ARHGEF28: variants seen among roughly 807,000 people sequenced by gnomAD.
ARHGEF28 encodes Rho guanine nucleotide exchange factor 28, also known as 190 kDa guanine nucleotide exchange factor.
In ARHGEF28, 152 loss-of-function variants were observed where a neutral mutation model predicts 206.6. The ratio of observed to expected loss-of-function variants is 0.74; its 90% CI spans 0.64 to 0.84. ARHGEF28 has a LOEUF of 0.84. ARHGEF28 is among the 40% of genes least tolerant of loss of function. ARHGEF28 has a pLI of 0.00. For synonymous variants in ARHGEF28, 763 were observed against 776.4 expected (o/e 0.98, Z 0.29); for missense variants, 2,028 against 2,073.2 (o/e 0.98, Z 0.42).
chr5:73,890,938 C>T (rs2112683046), intron 26 of ARHGEF28, among the ~76,000 whole-genome samples: 1 of 152,344 alleles, frequency 6.6e-6, no homozygotes. Context: ...CTCTTTGAAT[C>T]CCCAGTGTTT....
At chr5:73,924,296 G>A (rs995538248) in intron 35 of ARHGEF28, among the ~76,000 whole-genome samples, 1 of 152,162 alleles carries the variant, frequency 6.6e-6, no homozygotes, top group Non-Finnish European at 1.5e-5. Context: ...GGAAGGCTTG[G>A]GAATTATGCC....
At chr5:73,845,986 C>CAAAAAAAAAAAAAAAAAAAAA (rs57600570) in intron 11 of ARHGEF28, among the ~76,000 whole-genome samples, 6 of 63,764 alleles carry the variant, frequency 9.4e-5, no homozygotes, top group Admixed American at 1.8e-4. Flanking sequence ...AAAACTGTCT[C>CAAAAAAAAAAAAAAAAAAAAA]AAAAAAAAAA....
intron 12 of ARHGEF28, among the ~76,000 whole-genome samples, chr5:73,848,298 T>A (rs1001502826): frequency 6.6e-6 from 1 of 152,110 alleles, no homozygotes; most frequent in Non-Finnish European, 1.5e-5. Flanking sequence ...ATAGGAATAA[T>A]AAGTAATTGG....
At chr5:73,712,783 T>G (rs932459181) in intron 2 of ARHGEF28, among the ~76,000 whole-genome samples, 1 of 152,184 alleles carries the variant, frequency 6.6e-6, no homozygotes, top group African/African-American at 2.4e-5. Context: ...CTACTTGCAT[T>G]CCAGGCTCAT....
At chr5:73,648,242 A>T (rs774384138) in intron 1 of ARHGEF28, among the ~76,000 whole-genome samples, 2 of 152,160 alleles carry the variant, frequency 1.3e-5, no homozygotes, top group Admixed American at 6.5e-5. Context: ...TCCACAAATC[A>T]TGTTTCAGAA....
intron 4 of ARHGEF28, among the ~76,000 whole-genome samples, chr5:73,763,988 GT>G (rs11345831): frequency 0.022 from 3,357 of 152,164 alleles, 132 homozygotes; most frequent in African/African-American, 0.077. Flanking sequence ...GTTTATTGTA[GT>G]TTTTTTGTAT....
intron 2 of ARHGEF28, among the ~76,000 whole-genome samples, chr5:73,734,508 G>A (rs1026454417): frequency 2.6e-5 from 4 of 152,152 alleles, no homozygotes; most frequent in Non-Finnish European, 5.9e-5. Flanking sequence ...GAAGGAAGAT[G>A]ATCCTGTGTC....
At chr5:73,810,641 TTATTGCAGATTC>T (rs1755788016) in intron 9 of ARHGEF28, among the ~76,000 whole-genome samples, 1 of 152,138 alleles carries the variant, frequency 6.6e-6, no homozygotes, top group African/African-American at 2.4e-5. Flanking sequence ...TTGTTGTAAA[TTATTGCAGATTC>T]CTGGGCCACC....
intron 4 of ARHGEF28, among the ~76,000 whole-genome samples, chr5:73,773,275 C>A (rs1501674): frequency 6.6e-6 from 1 of 152,172 alleles, no homozygotes; most frequent in South Asian, 2.1e-4. Context: ...AGCAGAGCAA[C>A]GGGGTGGCTT....
In ARHGEF28 at chr5:73,764,370, GC is replaced by G. The variant is rs547551947; in HGVS notation, c.476-9483del. ...GAATGTGAAGGTCAAAAATTGAGTT[GC>G]CATCTTGAAATTCTGATGAAGACTT... On this transcript the variant is annotated intron_variant, in intron 4 of 35. Transcript: ENST00000513042. Among the ~76,000 whole-genome samples the G allele has an allele frequency of 1.1e-4, 17 of 152,262 alleles. No homozygotes were observed. The South Asian group carries it at 2.9e-3, about 26-fold the overall frequency.
rs375208297 is a variant in ARHGEF28 at position 73,692,417 on chromosome 5, T to G, written c.33+7533T>G. On this transcript the variant is annotated intron_variant, in intron 2 of 35. Coordinates refer to ENST00000513042, the MANE Select transcript of ARHGEF28 (RefSeq NM_001177693.2). ...GTATAACCATTTGGGCAGTGGGAGT[T>G]TTTTGCTTCAGTAGCTTGTTTCCAG... Among the ~76,000 whole-genome samples, 72 of 152,290 alleles carry G rather than the reference T, an allele frequency of 4.7e-4. 1 individual carries two copies. The South Asian group carries it at 9.1e-3, about 19-fold the overall frequency.
intron 20 of ARHGEF28, 48 bp downstream of exon 20, chr5:73,868,275 GC>G (rs1171732082): frequency 6.6e-7 from 1 of 1,517,866 alleles, no homozygotes; most frequent in Non-Finnish European, 8.9e-7. Flanking sequence ...GTTAGCATTT[GC>G]CAAAATGACA....
Position 73,940,852 on chromosome 5 carries a change from A to G in ARHGEF28, c.4957A>G (p.Thr1653Ala), listed in dbSNP as rs1428744576. Reference protein sequence around the residue: ...SKDSCKNDLDTSHTESPTPHD... With the variant: ...SKDSCKNDLDASHTESPTPHD... ...CTGTCTGTTTCTTGCAGATTTGGAC[A>G]CCTCCCACACTGAGTCCCCAACCCC... is the stretch of plus-strand genomic sequence containing the variant. Residue 1653 changes from threonine to alanine, a missense_variant, in exon 36 of 36, where the codon ACC (threonine) becomes GCC (alanine). By Grantham distance (58) the Thr-to-Ala change is moderately conservative. This residue lies in a region of ARHGEF28 where 803 missense variants were observed against 768.0 expected (regional missense o/e 1.05). Transcript: ENST00000513042. 1 of 1,491,486 alleles carries G rather than the reference A, an allele frequency of 6.7e-7. No homozygotes were observed. Among genetic ancestry groups the G allele is most frequent in the African/African-American group, 1.4e-5 (1 of 70,820 alleles). 92.4% of individuals were successfully genotyped at this position (1,491,486 alleles called of 1,614,324 possible).
chr5:73,873,319 C>A, intron 22 of ARHGEF28, 73 bp downstream of exon 22: 6 of 1,479,150 alleles, frequency 4.1e-6, no homozygotes, highest in Admixed American at 2.3e-5. Context: ...CTTTCATCAA[C>A]AAGAGTAAAA....
chr5:73,925,510 A>T (rs975463905), intron 35 of ARHGEF28, among the ~76,000 whole-genome samples: 3 of 152,208 alleles, frequency 2.0e-5, no homozygotes, highest in Non-Finnish European at 2.9e-5. Flanking sequence ...CATAATTTAC[A>T]TAGGGGGAAA....
At chr5:73,633,922 C>A (rs79418490) in intron 1 of ARHGEF28, among the ~76,000 whole-genome samples, 4,235 of 152,134 alleles carry the variant, frequency 0.028, 211 homozygotes, top group African/African-American at 0.096. Flanking sequence ...CGTTCATAGT[C>A]ATCTCAAAAT....
chr5:73,738,075 C>T (rs1206108632), intron 2 of ARHGEF28, among the ~76,000 whole-genome samples: 2 of 152,170 alleles, frequency 1.3e-5, no homozygotes, highest in Non-Finnish European at 2.9e-5. Flanking sequence ...GCTGGGGATG[C>T]TGTCGGGGTG....
chr5:73,637,096 A>G (rs1218421045), intron 1 of ARHGEF28, among the ~76,000 whole-genome samples: 4 of 152,210 alleles, frequency 2.6e-5, no homozygotes. Flanking sequence ...TAATCAAGTA[A>G]TTATTTTTAA....
intron 2 of ARHGEF28, among the ~76,000 whole-genome samples, chr5:73,726,506 G>A (rs971716578): frequency 6.6e-6 from 1 of 152,204 alleles, no homozygotes; most frequent in African/African-American, 2.4e-5. Flanking sequence ...AAGATATAGG[G>A]AGTTTTAACA....
Sources: allele counts gnomAD v4.1 joint callset (sites outside exome capture counted in the v4.1 genomes callset), GRCh38; gene constraint gnomAD v4.1.1; regional missense constraint gnomAD v4.1.1; transcripts MANE v1.5; gene names NCBI Gene and HGNC (gene_info 2026-07-23, HGNC 2026-07-21).